The following CNTNAP5 variants were observed in gnomAD, a reference collection of about 807,000 sequenced individuals.
The protein encoded by CNTNAP5 is contactin associated protein family member 5.
Under a neutral mutation model 150.2 loss-of-function variants are expected in CNTNAP5, and 72 were observed. The ratio of observed to expected loss-of-function variants is 0.48; its 90% CI spans 0.40 to 0.58. CNTNAP5 has a LOEUF of 0.58. Ranked by LOEUF, CNTNAP5 falls within the 20% of genes least tolerant of loss-of-function variation. The pLI is 0.00. For synonymous variants in CNTNAP5, 672 were observed against 619.8 expected (o/e 1.08, Z -1.25); for missense variants, 1,636 against 1,626.2 (o/e 1.01, Z -0.10).
intron 3 of CNTNAP5, among the ~76,000 whole-genome samples, chr2:124,337,784 G>C (rs57683456): frequency 0.56 from 84,681 of 150,382 alleles, 24,093 homozygotes; most frequent in African/African-American, 0.64. Flanking sequence ...TAGCCTTGTA[G>C]TATAGTTTGA....
chr2:124,875,290 G>T lies in CNTNAP5; in HGVS notation c.3436+5528G>T, dbSNP rs1311357045. Among the ~76,000 whole-genome samples the T allele has an allele frequency of 2.0e-5, 3 of 152,008 alleles. No individual in the cohort carries two copies. The East Asian group carries it at 5.8e-4, about 29-fold the overall frequency. On this transcript the variant is annotated intron_variant, in intron 21 of 23. Transcript: ENST00000682447. ...GAAGAATTTATGCATATAAATAAAA[G>T]GTGTGTACTTCAAAATGCTCACTTT...
chr2:124,158,772 G>T (rs1447351655), intron 1 of CNTNAP5, among the ~76,000 whole-genome samples: 2 of 152,124 alleles, frequency 1.3e-5, no homozygotes, highest in African/African-American at 4.8e-5. Flanking sequence ...GCATCAGATT[G>T]GTGCACTTCC....
chr2:124,506,042 A>G (rs916677990), intron 8 of CNTNAP5, among the ~76,000 whole-genome samples: 1 of 152,196 alleles, frequency 6.6e-6, no homozygotes, highest in Non-Finnish European at 1.5e-5. Context: ...ATAGTTGTCG[A>G]CCTAAAAGGA....
chr2:124,836,840 C>G (rs554242605), intron 19 of CNTNAP5, among the ~76,000 whole-genome samples: 1 of 152,104 alleles, frequency 6.6e-6, no homozygotes, highest in Non-Finnish European at 1.5e-5. Context: ...ACACATACCT[C>G]GTGTTTGTAT....
chr2:124,046,930 T>C (rs1240143218), intron 1 of CNTNAP5, among the ~76,000 whole-genome samples: 3 of 152,158 alleles, frequency 2.0e-5, no homozygotes, highest in Admixed American at 1.3e-4. Context: ...TGGCCTTGAA[T>C]GGCCATTAAG....
At chr2:124,377,447 G>T (rs1363848178) in intron 3 of CNTNAP5, among the ~76,000 whole-genome samples, 1 of 152,016 alleles carries the variant, frequency 6.6e-6, no homozygotes, top group Non-Finnish European at 1.5e-5. Flanking sequence ...GCTGAGGTGG[G>T]CAGATCACCT....
chr2:124,394,424 T>C (rs1691196244), intron 3 of CNTNAP5, among the ~76,000 whole-genome samples: 1 of 146,736 alleles, frequency 6.8e-6, no homozygotes, highest in South Asian at 2.2e-4. Context: ...TAGAAAAAGG[T>C]GAATGCAGAG....
At chr2:124,045,451 C>A (rs111527809) in intron 1 of CNTNAP5, among the ~76,000 whole-genome samples, 1 of 152,092 alleles carries the variant, frequency 6.6e-6, no homozygotes, top group African/African-American at 2.4e-5. Context: ...GTGCCCACCA[C>A]CAGGCCTGGC....
chr2:124,455,782 A>G (rs767834430), intron 6 of CNTNAP5, among the ~76,000 whole-genome samples: 3 of 152,172 alleles, frequency 2.0e-5, no homozygotes, highest in Admixed American at 6.6e-5. Flanking sequence ...AATAAATATT[A>G]TACACTACAT....
chr2:124,627,944 G>A (rs1353033493), intron 12 of CNTNAP5, among the ~76,000 whole-genome samples: 1 of 152,148 alleles, frequency 6.6e-6, no homozygotes, highest in Non-Finnish European at 1.5e-5. Context: ...TAGCCGAACT[G>A]ACCAAGTGGA....
chr2:124,751,052 A>G (rs961229358), intron 14 of CNTNAP5, among the ~76,000 whole-genome samples: 1 of 151,980 alleles, frequency 6.6e-6, no homozygotes, highest in Non-Finnish European at 1.5e-5. Flanking sequence ...TAATAGAAAT[A>G]CATGGGTTTA....
chr2:124,456,804 C>T (rs1310509251), intron 6 of CNTNAP5, among the ~76,000 whole-genome samples: 1 of 152,042 alleles, frequency 6.6e-6, no homozygotes, highest in African/African-American at 2.4e-5. Context: ...CAAACAAAAA[C>T]AAAAGTGGAG....
chr2:124,350,891 A>T (rs1689862167), intron 3 of CNTNAP5, among the ~76,000 whole-genome samples: 1 of 152,056 alleles, frequency 6.6e-6, no homozygotes, highest in South Asian at 2.1e-4. Flanking sequence ...GTTGCCTCAT[A>T]TTTAAAAAAT....
rs1363002452 is a variant in CNTNAP5 at position 124,322,792 on chromosome 2, T to G, written c.381+80399T>G. Among the ~76,000 whole-genome samples, 5 of 152,192 alleles carry G rather than the reference T, an allele frequency of 3.3e-5. No homozygotes were observed. The South Asian group carries it at 1.0e-3, about 32-fold the overall frequency. ...AGGTGATGAAACCATCACTTCCTTC[T>G]GGATCCCACAACCTCACCAGGCAGA... is the stretch of plus-strand genomic sequence containing the variant. On this transcript the variant is annotated intron_variant, in intron 3 of 23. Transcript: ENST00000682447.
At chr2:124,749,605 G>A (rs114136151) in intron 14 of CNTNAP5, among the ~76,000 whole-genome samples, 3,315 of 152,078 alleles carry the variant, frequency 0.022, 124 homozygotes, top group African/African-American at 0.076. Flanking sequence ...TAGTACAGAC[G>A]GGGTTTCTCC....
At chr2:124,795,361 T>C (rs923207431) in intron 18 of CNTNAP5, among the ~76,000 whole-genome samples, 1 of 152,160 alleles carries the variant, frequency 6.6e-6, no homozygotes, top group Non-Finnish European at 1.5e-5. Flanking sequence ...CACCCATCAA[T>C]GCCCTGTCAA....
intron 21 of CNTNAP5, among the ~76,000 whole-genome samples, chr2:124,902,036 C>T (rs1414643496): frequency 2.0e-5 from 3 of 151,978 alleles, no homozygotes; most frequent in Admixed American, 6.6e-5. Flanking sequence ...ATAACCATCT[C>T]GGTACGTGAA....
chr2:124,361,637 G>A (rs6724736), intron 3 of CNTNAP5, among the ~76,000 whole-genome samples: 1 of 133,554 alleles, frequency 7.5e-6, no homozygotes, highest in Non-Finnish European at 1.7e-5. Flanking sequence ...CAGGGGTCAG[G>A]GACCCACTTG....
intron 4 of CNTNAP5, among the ~76,000 whole-genome samples, chr2:124,418,288 C>A (rs1325650171): frequency 1.3e-5 from 2 of 152,124 alleles, no homozygotes; most frequent in African/African-American, 4.8e-5. Flanking sequence ...TGCTAAAATT[C>A]AATGACCCCT....
Sources: allele counts gnomAD v4.1 joint callset (sites outside exome capture counted in the v4.1 genomes callset), GRCh38; gene constraint gnomAD v4.1.1; transcripts MANE v1.5; gene names NCBI Gene and HGNC (gene_info 2026-07-23, HGNC 2026-07-21).